The following CNTNAP5 variants were observed in gnomAD, a reference collection of about 807,000 sequenced individuals.
CNTNAP5 encodes the protein contactin associated protein family member 5.
Under a neutral mutation model 150.2 loss-of-function variants are expected in CNTNAP5, and 72 were observed. That is an observed-to-expected ratio of 0.48 (90% CI 0.40 to 0.58). The LOEUF is 0.58. CNTNAP5 is among the 20% of genes least tolerant of loss of function. The pLI, the probability that CNTNAP5 is intolerant of heterozygous loss-of-function variation, is 0.00. For synonymous variants in CNTNAP5, 672 were observed against 619.8 expected (o/e 1.08, Z -1.25); for missense variants, 1,636 against 1,626.2 (o/e 1.01, Z -0.10).
intron 14 of CNTNAP5, 55 bp downstream of exon 14, chr2:124,747,440 A>C (rs1680628674): frequency 1.9e-6 from 3 of 1,590,950 alleles, no homozygotes; most frequent in East Asian, 2.2e-5. Context: ...TAATTGATGC[A>C]TAAAATTCCC....
At chr2:124,380,430 G>T (rs891913806) in intron 3 of CNTNAP5, among the ~76,000 whole-genome samples, 15 of 152,146 alleles carry the variant, frequency 9.9e-5, no homozygotes, top group African/African-American at 3.4e-4. Context: ...TAATGCATTT[G>T]TACTCTGGTG....
At chr2:124,370,434 A>G (rs902374160) in intron 3 of CNTNAP5, among the ~76,000 whole-genome samples, 1 of 152,110 alleles carries the variant, frequency 6.6e-6, no homozygotes, top group Non-Finnish European at 1.5e-5. Flanking sequence ...GGACTTCTCA[A>G]ATGAAGTGAC....
chr2:124,043,755 T>G (rs1042185187), intron 1 of CNTNAP5, among the ~76,000 whole-genome samples: 1 of 152,136 alleles, frequency 6.6e-6, no homozygotes, highest in African/African-American at 2.4e-5. Context: ...CCTCAAAGTC[T>G]AAAATGAAAG....
intron 3 of CNTNAP5, among the ~76,000 whole-genome samples, chr2:124,357,003 C>A (rs200956236): frequency 0.14 from 20,589 of 152,062 alleles, 1,525 homozygotes; most frequent in African/African-American, 0.15. Context: ...GCCATTCTAA[C>A]TGGTGTGAGA....
chr2:124,422,326 A>G (rs774808343), intron 4 of CNTNAP5, among the ~76,000 whole-genome samples: 124 of 152,310 alleles, frequency 8.1e-4, no homozygotes, highest in Admixed American at 1.5e-3. Flanking sequence ...AAATATTAAC[A>G]TATTTCTTCC....
intron 10 of CNTNAP5, among the ~76,000 whole-genome samples, chr2:124,551,960 T>G (rs1203521337): frequency 2.0e-5 from 3 of 152,208 alleles, no homozygotes; most frequent in African/African-American, 7.2e-5. Flanking sequence ...GGTAGGCATG[T>G]GTCTAAACAG....
chr2:124,834,105 A>G (rs1050742047), intron 19 of CNTNAP5, among the ~76,000 whole-genome samples: 7 of 152,172 alleles, frequency 4.6e-5, no homozygotes, highest in African/African-American at 7.2e-5. Context: ...GATAGTTACT[A>G]TTAGTATTAT....
At chr2:124,196,408 A>G (rs893534801) in intron 1 of CNTNAP5, among the ~76,000 whole-genome samples, 2 of 152,200 alleles carry the variant, frequency 1.3e-5, no homozygotes, top group African/African-American at 4.8e-5. Flanking sequence ...TAAATGCCCA[A>G]TTTCAAAAAT....
In CNTNAP5 at chr2:124,789,346, A is replaced by G. The variant is rs139327885; in HGVS notation, c.2753-556A>G. On this transcript the variant is annotated intron_variant, in intron 17 of 23. Transcript: ENST00000682447. ...AATCTTTCACTTTTTTTGTATGTAT[A>G]CGGAAAGAGCTTGAGGGAGGGGGTT... is the stretch of plus-strand genomic sequence containing the variant. Among the ~76,000 whole-genome samples the G allele has an allele frequency of 5.8e-3, 889 of 152,234 alleles. 4 individuals are homozygous for G. Among genetic ancestry groups the G allele is most frequent in the South Asian group, 9.1e-3 (44 of 4,826 alleles).
At chr2:124,480,949 T>G (rs138667597) in intron 7 of CNTNAP5, among the ~76,000 whole-genome samples, 1 of 152,196 alleles carries the variant, frequency 6.6e-6, no homozygotes, top group East Asian at 1.9e-4. Flanking sequence ...TAATGTGCCT[T>G]AAAGAAAAAA....
intron 10 of CNTNAP5, among the ~76,000 whole-genome samples, chr2:124,553,375 G>T (rs987892712): frequency 6.6e-6 from 1 of 151,974 alleles, no homozygotes; most frequent in Non-Finnish European, 1.5e-5. Context: ...ACACTGGCGC[G>T]TGCCTGTAAT....
At chr2:124,153,195 A>G (rs111735171) in intron 1 of CNTNAP5, among the ~76,000 whole-genome samples, 1 of 152,238 alleles carries the variant, frequency 6.6e-6, no homozygotes, top group African/African-American at 2.4e-5. Flanking sequence ...CATTAAAAAG[A>G]TGGAAACAAA....
At chr2:124,760,852 A>G (rs1680941526) in intron 14 of CNTNAP5, among the ~76,000 whole-genome samples, 1 of 152,088 alleles carries the variant, frequency 6.6e-6, no homozygotes, top group South Asian at 2.1e-4. Flanking sequence ...TGTATGCATT[A>G]TTCCCTTTGA....
At chr2:124,778,730 T>C (rs1681380439) in intron 17 of CNTNAP5, 3 of 152,118 alleles carry the variant, frequency 2.0e-5, no homozygotes, top group African/African-American at 7.2e-5. Flanking sequence ...TAAGCCTACC[T>C]AGGCGTGTTG....
At chr2:124,788,029 C>T (rs922601116) in intron 17 of CNTNAP5, among the ~76,000 whole-genome samples, 1 of 152,168 alleles carries the variant, frequency 6.6e-6, no homozygotes, top group Non-Finnish European at 1.5e-5. Context: ...ATCTGGTAGA[C>T]CTCAAAGGCC....
At chr2:124,490,786 G>A (rs1160974373) in intron 7 of CNTNAP5, among the ~76,000 whole-genome samples, 2 of 151,788 alleles carry the variant, frequency 1.3e-5, no homozygotes, top group African/African-American at 4.8e-5. Context: ...TTTTAATACC[G>A]ATTGTATATT....
chr2:124,566,532 A>C (rs1365207701), intron 11 of CNTNAP5, among the ~76,000 whole-genome samples: 2 of 152,186 alleles, frequency 1.3e-5, no homozygotes, highest in Non-Finnish European at 2.9e-5. Flanking sequence ...AAAACCTTAA[A>C]AATATCATTT....
chr2:124,261,136 A>G (rs1042965834), intron 3 of CNTNAP5, among the ~76,000 whole-genome samples: 3 of 152,196 alleles, frequency 2.0e-5, no homozygotes, highest in East Asian at 1.9e-4. Context: ...ATACATATCA[A>G]TATCAATGAT....
intron 3 of CNTNAP5, among the ~76,000 whole-genome samples, chr2:124,320,118 A>T (rs1294543679): frequency 6.6e-6 from 1 of 152,210 alleles, no homozygotes; most frequent in Non-Finnish European, 1.5e-5. Flanking sequence ...CGTAACATAC[A>T]ATTCCACAAC....
Sources: gnomAD v4.1 joint callset for allele counts (sites outside exome capture counted in the v4.1 genomes callset) on GRCh38, gnomAD v4.1.1 for gene constraint, MANE v1.5 for transcripts, NCBI Gene and HGNC (gene_info 2026-07-23, HGNC 2026-07-21) for gene names.